The following PHLDB1 variants were observed in gnomAD, a reference collection of about 807,000 sequenced individuals.
The protein encoded by PHLDB1 is pleckstrin homology like domain family B member 1, also known as pleckstrin homology-like domain family B member 1.
In PHLDB1, 65 loss-of-function variants were observed where a neutral mutation model predicts 139.3. That is an observed-to-expected ratio of 0.47 (90% CI 0.38 to 0.57). PHLDB1 has a LOEUF of 0.57. PHLDB1 is among the 20% of genes least tolerant of loss of function. The pLI is 0.00. For synonymous variants in PHLDB1, 679 were observed against 734.5 expected (o/e 0.92, Z 1.22); for missense variants, 1,624 against 1,839.7 (o/e 0.88, Z 2.14).
At chr11:118,649,398 T>C (rs1948034787) in intron 18 of PHLDB1, among the ~76,000 whole-genome samples, 1 of 152,236 alleles carries the variant, frequency 6.6e-6, no homozygotes, top group South Asian at 2.1e-4. Flanking sequence ...GGAGTCTCTC[T>C]TCTAGCCCCT....
rs782472575 is a variant in PHLDB1, at chr11:118,627,487, C to T, written c.664C>T (p.Leu222=). The T allele has an allele frequency of 8.1e-6, 13 of 1,614,228 alleles. No individual in the cohort carries two copies. In the South Asian group the frequency reaches 1.4e-4, roughly 18 times the overall value. The part of the protein sequence containing the change: ...AGKKPAATSP[L]SPMANGGRYL... ...CAAGAAGCCTGCCGCAACCTCTCCA[C>T]TGTCACCGATGGCTAATGGTGGGCG... The change falls in exon 6 of 23, where the codon CTG becomes TTG. Residue 222 remains leucine, a synonymous_variant. Coordinates refer to ENST00000600882, the MANE Select transcript of PHLDB1 (RefSeq NM_001144758.3).
intron 4 of PHLDB1, among the ~76,000 whole-genome samples, chr11:118,616,764 G>A (rs1555089997): frequency 6.6e-6 from 1 of 152,202 alleles, no homozygotes; most frequent in Non-Finnish European, 1.5e-5. Flanking sequence ...TAGGCCCCTG[G>A]CTAGGCATGG....
intron 17 of PHLDB1, chr11:118,647,672 A>G: frequency 2.7e-6 from 1 of 368,030 alleles, no homozygotes; most frequent in Non-Finnish European, 4.9e-6. Context: ...GAGATAAAAA[A>G]AAAAGTTTAA....
Position 118,631,540 on chromosome 11 carries a change from G to C in PHLDB1, c.2100+61G>C, listed in dbSNP as rs969248980. The C allele has an allele frequency of 6.7e-6, 9 of 1,351,300 alleles. No individual in the cohort carries two copies. The Admixed American group carries it at 2.8e-4, about 41-fold the overall frequency. The allele number at this position is 1,351,300 out of a possible 1,614,324, so 83.7% of individuals were successfully genotyped here. On this transcript the variant is annotated intron_variant, in intron 7 of 22. Coordinates refer to ENST00000600882, the MANE Select transcript of PHLDB1 (RefSeq NM_001144758.3). ...AGTTGGACCTGCTGGGGGCAGAGGAGGCTGGTGTATCCAATGCCAAGGTCC... is the reference window on the plus strand; with the variant it reads ...AGTTGGACCTGCTGGGGGCAGAGGACGCTGGTGTATCCAATGCCAAGGTCC...
At position 118,632,991 on chromosome 11, in the gene PHLDB1, CTT is replaced by C. The variant is rs67219463; in HGVS notation, c.2379+709_2379+710del. 3,625 of 178,492 alleles carry C rather than the reference CTT, an allele frequency of 0.02. 5 individuals are homozygous for C. Among genetic ancestry groups the C allele is most frequent in the Non-Finnish European group, 0.027 (2,684 of 100,162 alleles). The allele number at this position is 178,492 out of a possible 1,614,324, so 11.1% of individuals were successfully genotyped here. A position where few individuals can be genotyped will look rare whatever the true frequency, so the allele number is the denominator to read the frequency against. On this transcript the variant is annotated intron_variant, in intron 9 of 22. Coordinates refer to ENST00000600882, the MANE Select transcript of PHLDB1 (RefSeq NM_001144758.3). The surrounding 1 kb of genome is among the most constrained non-coding windows in gnomAD (Gnocchi z 5.9). ...TGAGAATCTTAAAAATTCTTTGACCCTTTTTTTTTTTTTTTGGAGCTTTGGCT... is the reference window on the plus strand; with the variant it reads ...TGAGAATCTTAAAAATTCTTTGACCCTTTTTTTTTTTTTGGAGCTTTGGCT...
At chr11:118,624,863 G>A (rs1397590686) in intron 4 of PHLDB1, 71 bp from the exon 5 acceptor site, 2 of 1,528,102 alleles carry the variant, frequency 1.3e-6, no homozygotes, top group African/African-American at 1.4e-5. Flanking sequence ...ACCCTCCTCC[G>A]CCTCCAAAAG....
At chr11:118,622,439 C>T (rs1374670467) in intron 4 of PHLDB1, among the ~76,000 whole-genome samples, 1 of 152,246 alleles carries the variant, frequency 6.6e-6, no homozygotes, top group African/African-American at 2.4e-5. Flanking sequence ...GGATCCAGCT[C>T]TGCTGCCTGG....
At chr11:118,613,480 C>T (rs1471421062) in intron 1 of PHLDB1, 41 of 1,010,450 alleles carry the variant, frequency 4.1e-5, no homozygotes, top group Non-Finnish European at 4.7e-5. Context: ...CTTAAGGCTC[C>T]ACAGGGCCAA....
intron 20 of PHLDB1, chr11:118,654,682 C>T (rs1231604031): frequency 7.2e-6 from 1 of 138,878 alleles, no homozygotes; most frequent in African/African-American, 2.7e-5. Flanking sequence ...ATTTCTGAGT[C>T]TGTATCTGTA....
intron 12 of PHLDB1, chr11:118,639,488 G>C: frequency 1.9e-6 from 1 of 533,834 alleles, no homozygotes; most frequent in East Asian, 3.3e-5. Context: ...TGTTTTTGGT[G>C]GCTGAATATA....
chr11:118,640,336 C>T (rs556629120), intron 12 of PHLDB1: 1 of 152,304 alleles, frequency 6.6e-6, no homozygotes, highest in South Asian at 2.1e-4. Flanking sequence ...CTGGATGGGC[C>T]CCTTGGGTAG....
chr11:118,633,424 C>G (rs1465886991), intron 9 of PHLDB1: 2 of 152,240 alleles, frequency 1.3e-5, no homozygotes, highest in Non-Finnish European at 2.9e-5. Flanking sequence ...AGGCTACTGT[C>G]TGAGGACAGC....
At position 118,628,142 on chromosome 11, in the gene PHLDB1, C is replaced by T; in HGVS notation, c.1319C>T (p.Pro440Leu). The change falls in exon 6 of 23, where the codon CCT becomes CTT. Residue 440 changes from proline to leucine, a missense_variant. Transcript: ENST00000600882. ...SDGLATRTLQPPESPRLGRRG... is the reference protein window; with the variant it reads ...SDGLATRTLQLPESPRLGRRG... ...GGGTTAGCCACCCGTACCCTGCAGC[C>T]TCCTGAGAGTCCCCGCCTGGGCCGG... 1.2e-6 allele frequency: 2 copies of T among 1,614,116 alleles called. No homozygotes were observed. The highest frequency in any genetic ancestry group is 1.7e-6 in the Non-Finnish European group (2 of 1,180,020).
chr11:118,629,949 C>T, intron 6 of PHLDB1: 2 of 1,241,222 alleles, frequency 1.6e-6, no homozygotes, highest in Non-Finnish European at 2.1e-6. Context: ...CCTCCCACCT[C>T]AACCAGGCTG....
chr11:118,619,906 G>A (rs1942417706), intron 4 of PHLDB1, among the ~76,000 whole-genome samples: 2 of 152,198 alleles, frequency 1.3e-5, no homozygotes, highest in African/African-American at 4.8e-5. Flanking sequence ...GGAAAGCTAT[G>A]CCTGGGTGAG....
In PHLDB1 at chr11:118,645,256, C is replaced by T; in HGVS notation, c.3122-100C>T. 1 of 891,608 alleles carries T rather than the reference C, an allele frequency of 1.1e-6. No individual in the cohort carries two copies. Among genetic ancestry groups the T allele is most frequent in the Non-Finnish European group, 1.7e-6 (1 of 599,764 alleles). 55.2% of individuals were successfully genotyped at this position (891,608 alleles called of 1,614,324 possible). A position where few individuals can be genotyped will look rare whatever the true frequency, so the allele number is the denominator to read the frequency against. On this transcript the variant is annotated intron_variant, in intron 15 of 22. Transcript: ENST00000600882. This position sits in a 1 kb window ranked among gnomAD's most constrained non-coding sequence, Gnocchi z 5.1. Reference sequence around the variant, plus strand: ...GGAGAGGGGGCTGCTCTGTGTTAACCTCTCCCTGCTTGCCCCTCCCTCTGT... The same window carrying T: ...GGAGAGGGGGCTGCTCTGTGTTAACTTCTCCCTGCTTGCCCCTCCCTCTGT...
chr11:118,614,445 C>T lies in PHLDB1; in HGVS notation c.61-114C>T, dbSNP rs1190667061. The stretch of plus-strand genomic sequence containing the variant: ...AGATTTTGTGCTAAGCCTTTCAGCA[C>T]CCTCAGAGCCCTTCGGAGAGGGGCG... On this transcript the variant is annotated intron_variant, in intron 2 of 22. Coordinates refer to ENST00000600882, the MANE Select transcript of PHLDB1 (RefSeq NM_001144758.3). 6.1e-6 allele frequency: 7 copies of T among 1,156,468 alleles called. No homozygotes were observed. The East Asian group carries it at 1.7e-4, about 28-fold the overall frequency. The allele number at this position is 1,156,468 out of a possible 1,614,324, so 71.6% of individuals were successfully genotyped here.
At chr11:118,621,914 G>T (rs1438469566) in intron 4 of PHLDB1, among the ~76,000 whole-genome samples, 1 of 152,068 alleles carries the variant, frequency 6.6e-6, no homozygotes, top group Non-Finnish European at 1.5e-5. Context: ...CCCTTCACTC[G>T]GTCTCCCTTT....
intron 4 of PHLDB1, chr11:118,624,235 C>T (rs956552727): frequency 6.6e-6 from 1 of 152,182 alleles, no homozygotes; most frequent in African/African-American, 2.4e-5. Flanking sequence ...CTTTCACATA[C>T]ACTGTCTTAT....
Sources: allele counts gnomAD v4.1 joint callset (sites outside exome capture counted in the v4.1 genomes callset), GRCh38; gene constraint gnomAD v4.1.1; non-coding constraint Gnocchi (gnomAD v3.1); transcripts MANE v1.5; gene names NCBI Gene and HGNC (gene_info 2026-07-23, HGNC 2026-07-21).